NEGR1: variants seen among roughly 807,000 people sequenced by gnomAD.
NEGR1 encodes the protein neuronal growth regulator 1, also known as IgLON family member 4.
In NEGR1, 10 loss-of-function variants were observed where a neutral mutation model predicts 40.9. That is an observed-to-expected ratio of 0.24 (90% CI 0.15 to 0.42). The LOEUF (loss-of-function observed/expected upper bound fraction) is 0.42, where lower values mean the gene tolerates loss of function less well. Among genes scored for constraint, NEGR1 ranks in the 10% least tolerant of loss-of-function variants. The pLI is 1.00. For synonymous variants in NEGR1, 185 were observed against 166.8 expected, an observed-to-expected ratio of 1.11 and a Z score of -0.84; for missense variants, 352 against 438.9, an observed-to-expected ratio of 0.80 and a Z score of 1.77.
intron 1 of NEGR1, among the ~76,000 whole-genome samples, chr1:72,267,512 A>G (rs930303031): frequency 6.6e-6 from 1 of 151,290 alleles, no homozygotes; most frequent in Non-Finnish European, 1.5e-5. Context: ...GAAAATAGTT[A>G]TATGTATCAA....
At chr1:71,869,973 G>A (rs1370816442) in intron 2 of NEGR1, among the ~76,000 whole-genome samples, 4 of 150,718 alleles carry the variant, frequency 2.7e-5, no homozygotes, top group African/African-American at 7.3e-5. Context: ...TCCACCTCCC[G>A]GGTTCATGTG....
intron 6 of NEGR1, among the ~76,000 whole-genome samples, chr1:71,576,668 C>T (rs1031097038): frequency 6.6e-6 from 1 of 152,168 alleles, no homozygotes; most frequent in Non-Finnish European, 1.5e-5. Flanking sequence ...GCAAAGAATA[C>T]TAGCGAAGAA....
intron 2 of NEGR1, among the ~76,000 whole-genome samples, chr1:71,852,907 A>C (rs1314455584): frequency 6.6e-6 from 1 of 151,178 alleles, no homozygotes; most frequent in Non-Finnish European, 1.5e-5. Flanking sequence ...GGTAAAACTA[A>C]AGAATGGAAA....
chr1:72,174,694 T>C (rs1422940108), intron 1 of NEGR1, among the ~76,000 whole-genome samples: 3 of 152,104 alleles, frequency 2.0e-5, no homozygotes, highest in African/African-American at 7.2e-5. Context: ...TTCCAAATAA[T>C]GTTATAAGCT....
chr1:72,267,466 C>A (rs1655685812), intron 1 of NEGR1, among the ~76,000 whole-genome samples: 1 of 151,066 alleles, frequency 6.6e-6, no homozygotes, highest in African/African-American at 2.4e-5. Flanking sequence ...CTACTTAAAG[C>A]TAGATAATAC....
intron 2 of NEGR1, among the ~76,000 whole-genome samples, chr1:71,933,456 G>A (rs1255231935): frequency 1.3e-5 from 2 of 151,934 alleles, no homozygotes; most frequent in East Asian, 1.9e-4. Flanking sequence ...TAAGTAACTC[G>A]AACATATTAT....
intron 6 of NEGR1, among the ~76,000 whole-genome samples, chr1:71,562,211 A>G (rs1648484639): frequency 6.6e-6 from 1 of 151,834 alleles, no homozygotes; most frequent in Non-Finnish European, 1.5e-5. Flanking sequence ...AGACAGTGAA[A>G]AGGAAAAATA....
At chr1:71,999,889 C>T (rs1268807295) in intron 1 of NEGR1, among the ~76,000 whole-genome samples, 1 of 151,134 alleles carries the variant, frequency 6.6e-6, no homozygotes, top group Admixed American at 6.6e-5. Context: ...TTTAATTGGA[C>T]TGTTTTCTCT....
intron 1 of NEGR1, among the ~76,000 whole-genome samples, chr1:72,176,983 G>C (rs900545640): frequency 7.9e-5 from 12 of 151,912 alleles, no homozygotes; most frequent in Non-Finnish European, 1.2e-4. Flanking sequence ...AGGGTTGTAT[G>C]GCCATAGACT....
chr1:71,706,914 C>A (rs1285054521), intron 3 of NEGR1, among the ~76,000 whole-genome samples: 4 of 152,010 alleles, frequency 2.6e-5, no homozygotes, highest in African/African-American at 9.7e-5. Flanking sequence ...AGACTCAGTA[C>A]ATTACCAGCT....
intron 2 of NEGR1, among the ~76,000 whole-genome samples, chr1:71,848,537 C>T (rs1334253436): frequency 6.6e-6 from 1 of 152,176 alleles, no homozygotes; most frequent in Non-Finnish European, 1.5e-5. Context: ...ATAAAGGAAA[C>T]AACAAAGCCT....
chr1:71,533,980 T>C (rs1044014054), intron 6 of NEGR1, among the ~76,000 whole-genome samples: 1 of 151,730 alleles, frequency 6.6e-6, no homozygotes, highest in Non-Finnish European at 1.5e-5. Flanking sequence ...AAGGAAATTC[T>C]ATAATAGTAA....
chr1:71,723,615 T>C (rs1371762483), intron 3 of NEGR1, among the ~76,000 whole-genome samples: 2 of 152,204 alleles, frequency 1.3e-5, no homozygotes, highest in Non-Finnish European at 1.5e-5. Context: ...GTTTCTGTGC[T>C]TGGAAGGCTT....
chr1:72,149,743 A>G (rs1209048873), intron 1 of NEGR1, among the ~76,000 whole-genome samples: 1 of 151,778 alleles, frequency 6.6e-6, no homozygotes, highest in African/African-American at 2.4e-5. Flanking sequence ...TTAGCCGGGC[A>G]TAGTGGCACA....
At chr1:71,703,605 AT>A (rs1275543270) in intron 3 of NEGR1, among the ~76,000 whole-genome samples, 2 of 151,980 alleles carry the variant, frequency 1.3e-5, no homozygotes, top group Non-Finnish European at 2.9e-5. Flanking sequence ...ATAGAAAAAA[AT>A]GACACAACGT....
intron 1 of NEGR1, among the ~76,000 whole-genome samples, chr1:72,117,802 G>C (rs552100344): frequency 2.6e-5 from 4 of 151,830 alleles, no homozygotes; most frequent in Non-Finnish European, 4.4e-5. Context: ...TGTAAGCAGA[G>C]GGATGTTCAC....
intron 2 of NEGR1, among the ~76,000 whole-genome samples, chr1:71,804,197 A>T (rs942713803): frequency 1.3e-5 from 2 of 152,186 alleles, no homozygotes; most frequent in African/African-American, 4.8e-5. Context: ...GGAATATGAC[A>T]GTTATCTTAG....
chr1:71,941,742 G>GTAA (rs1645961553), intron 1 of NEGR1, among the ~76,000 whole-genome samples: 1 of 150,990 alleles, frequency 6.6e-6, no homozygotes, highest in Non-Finnish European at 1.5e-5. Context: ...GTATACAATA[G>GTAA]TAATATGTTA....
intron 1 of NEGR1, among the ~76,000 whole-genome samples, chr1:72,126,777 T>C (rs962833982): frequency 2.6e-5 from 4 of 152,190 alleles, no homozygotes; most frequent in African/African-American, 7.2e-5. Context: ...CTTCATGTCC[T>C]CATAAGTTCT....
Sources: gnomAD v4.1 joint callset for allele counts (sites outside exome capture counted in the v4.1 genomes callset) on GRCh38, gnomAD v4.1.1 for gene constraint, MANE v1.5 for transcripts, NCBI Gene and HGNC (gene_info 2026-07-23, HGNC 2026-07-21) for gene names.